The following ZNF620 variants were observed in gnomAD, a reference collection of about 807,000 sequenced individuals.
ZNF620 encodes zinc finger protein 620.
A neutral mutation model predicts 13.3 loss-of-function variants in ZNF620; 10 were observed. The ratio of observed to expected loss-of-function variants is 0.75; its 90% CI spans 0.46 to 1.28. The LOEUF is 1.28. ZNF620 is among the 50% of genes most tolerant of loss of function. The pLI, the probability that ZNF620 is intolerant of heterozygous loss-of-function variation, is 0.00. For missense variants in ZNF620, 461 were observed against 500.2 expected, an observed-to-expected ratio of 0.92 and a Z score of 0.75; for synonymous variants, 166 against 177.6, an observed-to-expected ratio of 0.93 and a Z score of 0.52.
At position 40,511,546 on chromosome 3, in the gene ZNF620, C is replaced by T. The variant is rs891240921; in HGVS notation, c.101C>T (p.Ala34Val). 1 of 1,613,600 alleles carries T rather than the reference C, an allele frequency of 6.2e-7. No individual in the cohort carries two copies. Among genetic ancestry groups the T allele is most frequent in the African/African-American group, 1.3e-5 (1 of 74,892 alleles). ...GCCAGCCTGGACTCTGTGCAGAGGG[C>T]CCTGTACAGGGAAGTGATGCTGGAG... ...EWASLDSVQR[A>V]LYREVMLENY... is the part of the protein sequence containing the mutation. The change falls in exon 3 of 5, where the codon GCC becomes GTC. Residue 34 changes from alanine (A) to valine (V), a missense_variant. Physicochemically the swap from Ala to Val is moderately conservative, Grantham distance 64 (BLOSUM62 0). Coordinates refer to ENST00000314529, the MANE Select transcript of ZNF620 (RefSeq NM_175888.4).
chr3:40,513,302 T>TAA (rs1212657603), intron 4 of ZNF620, among the ~76,000 whole-genome samples: 2,444 of 37,572 alleles, frequency 0.065, 388 homozygotes, highest in East Asian at 0.086. Flanking sequence ...CCGTCTCAAC[T>TAA]AAAAAAAAAA....
intron 2 of ZNF620, 136 bp downstream of exon 2, chr3:40,506,512 G>A: frequency 9.5e-7 from 1 of 1,054,138 alleles, no homozygotes; most frequent in African/African-American, 1.6e-5. Flanking sequence ...GGGATGGAGA[G>A]GTGAGAATGC....
intron 2 of ZNF620, among the ~76,000 whole-genome samples, chr3:40,509,918 A>C (rs1001851761): frequency 3.9e-5 from 6 of 151,936 alleles, no homozygotes; most frequent in African/African-American, 1.5e-4. Context: ...TTTTTGCATG[A>C]TATCTTGAAA....
At position 40,511,470 on chromosome 3, in the gene ZNF620, G is replaced by T; in HGVS notation, c.25G>T (p.Glu9Ter). The T allele has an allele frequency of 6.2e-7, 1 of 1,612,864 alleles. No homozygotes were observed. Among genetic ancestry groups the T allele is most frequent in the Non-Finnish European group, 8.5e-7 (1 of 1,179,240 alleles). The part of the protein sequence containing the change: MFQTAWRQ[E>*]PVTFEDVAVY... ...TTTGAGCAGGAACTTGTTGTTTTAG[G>T]AACCAGTGACCTTTGAGGATGTGGC... Residue 9 changes from glutamate (E) to a stop codon, truncating the protein, a stop_gained and splice_region_variant, in exon 3 of 5, where the codon GAA becomes TAA. Coordinates refer to ENST00000314529, the MANE Select transcript of ZNF620 (RefSeq NM_175888.4). LOFTEE classifies it high-confidence loss of function.
Position 40,516,354 on chromosome 3 carries a change from T to C in ZNF620, c.760T>C (p.Cys254Arg). The C allele has an allele frequency of 1.2e-6, 2 of 1,614,204 alleles. No homozygotes were observed. The highest frequency in any genetic ancestry group is 1.3e-5 in the African/African-American group (1 of 75,052). Residue 254 changes from cysteine to arginine, a missense_variant, in exon 5 of 5, where the codon TGT becomes CGT. Coordinates refer to ENST00000314529, the MANE Select transcript of ZNF620 (RefSeq NM_175888.4). The part of the protein sequence containing the change: ...IIHTGKKPFK[C>R]KECGKGLSSD... ...TCACACTGGAAAGAAACCATTTAAATGTAAAGAATGTGGAAAAGGTTTAAG... is the reference window on the plus strand; with the variant it reads ...TCACACTGGAAAGAAACCATTTAAACGTAAAGAATGTGGAAAAGGTTTAAG...
At position 40,516,610 on chromosome 3, in the gene ZNF620, A is replaced by C. The variant is rs776936015; in HGVS notation, c.1016A>C (p.Lys339Thr). Residue 339 changes from lysine (K) to threonine (T), a missense_variant, in exon 5 of 5, where the codon AAA becomes ACA. Lys to Thr is a moderately conservative substitution (Grantham distance 78). Coordinates refer to ENST00000314529, the MANE Select transcript of ZNF620 (RefSeq NM_175888.4). Reference sequence around the variant, plus strand: ...ACTGGGGAGAAACCTTATGAATGTAAAGAGTGTGGAAAACGATTAAGCTCC... The same window carrying C: ...ACTGGGGAGAAACCTTATGAATGTACAGAGTGTGGAAAACGATTAAGCTCC... ...MHTGEKPYEC[K>T]ECGKRLSSNT... 4.3e-6 allele frequency: 7 copies of C among 1,614,034 alleles called. No homozygotes were observed. The highest frequency in any genetic ancestry group is 5.9e-6 in the Non-Finnish European group (7 of 1,179,988).
At position 40,506,104 on chromosome 3, in the gene ZNF620, ATTCGCGGTCCGAGCTGAAGAGG is replaced by A; in HGVS notation, c.-72_-51del. ...TTTATCTGCGCCTGCGCCGCGCGGG[ATTCGCGGTCCGAGCTGAAGAGG>A]TTCGCGGTCCGGGTAACTGATTGGT... is the stretch of plus-strand genomic sequence containing the variant. On this transcript the variant is annotated 5_prime_UTR_variant, in exon 1 of 5. Transcript: ENST00000314529. The A allele has an allele frequency of 3.4e-6, 2 of 583,918 alleles. No homozygotes were observed. Among genetic ancestry groups the A allele is most frequent in the Non-Finnish European group, 6.1e-6 (2 of 326,036 alleles). 36.2% of individuals were successfully genotyped at this position (583,918 alleles called of 1,614,324 possible). A position where few individuals can be genotyped will look rare whatever the true frequency, so the allele number is the denominator to read the frequency against.
At chr3:40,512,202 C>T (rs953648388) in intron 3 of ZNF620, among the ~76,000 whole-genome samples, 200 bp from the exon 4 acceptor site, 1 of 152,146 alleles carries the variant, frequency 6.6e-6, no homozygotes, top group African/African-American at 2.4e-5. Flanking sequence ...CTTGAGATTC[C>T]CTTATGTGAG....
At position 40,511,470 on chromosome 3, in the gene ZNF620, G is replaced by C; in HGVS notation, c.25G>C (p.Glu9Gln). The change falls in exon 3 of 5, where the codon GAA (glutamate) becomes CAA (glutamine). Residue 9 changes from glutamate to glutamine, a missense_variant and splice_region_variant. By Grantham distance (29) the Glu-to-Gln change is conservative. Transcript: ENST00000314529. MFQTAWRQEPVTFEDVAVY... is the reference protein window; with the variant it reads MFQTAWRQQPVTFEDVAVY... ...TTTGAGCAGGAACTTGTTGTTTTAG[G>C]AACCAGTGACCTTTGAGGATGTGGC... 1.2e-6 allele frequency: 2 copies of C among 1,612,864 alleles called. No individual in the cohort carries two copies. Among genetic ancestry groups the C allele is most frequent in the Non-Finnish European group, 1.7e-6 (2 of 1,179,240 alleles).
intron 2 of ZNF620, among the ~76,000 whole-genome samples, chr3:40,508,947 G>C (rs999065327): frequency 8.6e-5 from 13 of 151,896 alleles, no homozygotes; most frequent in Non-Finnish European, 1.2e-4. Flanking sequence ...ATGTTGTCAT[G>C]GTATGTCTTT....
intron 2 of ZNF620, 115 bp downstream of exon 2, chr3:40,506,491 T>C: frequency 8.2e-7 from 1 of 1,223,608 alleles, no homozygotes; most frequent in South Asian, 1.3e-5. Context: ...TGTGCATCTG[T>C]CACTATGAGA....
chr3:40,516,784 G>A lies in ZNF620; in HGVS notation c.1190G>A (p.Cys397Tyr). 1 of 1,614,190 alleles carries A rather than the reference G, an allele frequency of 6.2e-7. No individual in the cohort carries two copies. Among genetic ancestry groups the A allele is most frequent in the Non-Finnish European group, 8.5e-7 (1 of 1,180,038 alleles). Residue 397 changes from cysteine (C) to tyrosine (Y), a missense_variant, in exon 5 of 5, where the codon TGT (cysteine) becomes TAT (tyrosine). By Grantham distance (194) the Cys-to-Tyr change is radical. Transcript: ENST00000314529. ...GAGAAACCTTATGAGTGTAAAGTGT[G>A]TGGTAAAACCTTCAGCTGGTGTGGA... is the stretch of plus-strand genomic sequence containing the variant. ...TGEKPYECKV[C>Y]GKTFSWCGRF...
chr3:40,513,438 A>G (rs1042967451), intron 4 of ZNF620, among the ~76,000 whole-genome samples: 10 of 149,568 alleles, frequency 6.7e-5, no homozygotes, highest in African/African-American at 2.5e-5. Flanking sequence ...GGAGTTCGAG[A>G]CCAGCCTGGC....
chr3:40,514,816 C>G (rs1291364537), intron 4 of ZNF620, among the ~76,000 whole-genome samples: 2 of 152,124 alleles, frequency 1.3e-5, no homozygotes, highest in Non-Finnish European at 2.9e-5. Context: ...TTTAATCTTT[C>G]TTATTCTGCT....
At chr3:40,512,286 C>A (rs1698224575) in intron 3 of ZNF620, 116 bp from the exon 4 acceptor site, 4 of 851,622 alleles carry the variant, frequency 4.7e-6, no homozygotes, top group Non-Finnish European at 7.8e-6. Context: ...TTAAGTTTCT[C>A]CCTGACTCAC....
chr3:40,516,697 A>G lies in ZNF620; in HGVS notation c.1103A>G (p.Glu368Gly). 1 of 1,614,234 alleles carries G rather than the reference A, an allele frequency of 6.2e-7. No homozygotes were observed. The highest frequency in any genetic ancestry group is 8.5e-7 in the Non-Finnish European group (1 of 1,180,046). ...HTGEKPFECK[E>G]CGKAFNQKIT... is the part of the protein sequence containing the mutation. ...GGGGAGAAGCCCTTTGAATGTAAGG[A>G]GTGTGGGAAGGCATTCAATCAGAAA... The change falls in exon 5 of 5, where the codon GAG (glutamate) becomes GGG (glycine). Residue 368 changes from glutamate (E) to glycine (G), a missense_variant. Coordinates refer to ENST00000314529, the MANE Select transcript of ZNF620 (RefSeq NM_175888.4).
chr3:40,513,317 A>C (rs1189209999), intron 4 of ZNF620, among the ~76,000 whole-genome samples: 1 of 90,378 alleles, frequency 1.1e-5, no homozygotes, highest in Non-Finnish European at 2.1e-5. Context: ...AAAAAAAAAA[A>C]TATATATATA....
At position 40,518,371 on chromosome 3, in the gene ZNF620, T is replaced by C. The variant is rs1270200786; in HGVS notation, c.*1508T>C. On this transcript the variant is annotated 3_prime_UTR_variant, in exon 5 of 5. Coordinates refer to ENST00000314529, the MANE Select transcript of ZNF620 (RefSeq NM_175888.4). ...TGACAGTTAATCTACCTCATAGGTT[T>C]GTGTTGGGGATTAAATGCATTATTT... 2.0e-5 allele frequency: 3 copies of C among 152,234 alleles called. No individual in the cohort carries two copies. The highest frequency in any genetic ancestry group is 4.8e-5 in the African/African-American group (2 of 41,460). 9.4% of individuals were successfully genotyped at this position (152,234 alleles called of 1,614,324 possible).
At chr3:40,509,551 A>G (rs1698134057) in intron 2 of ZNF620, among the ~76,000 whole-genome samples, 1 of 151,852 alleles carries the variant, frequency 6.6e-6, no homozygotes, top group Non-Finnish European at 1.5e-5. Flanking sequence ...CCTATTTTCC[A>G]TAGGATTAAT....
Sources: gnomAD v4.1 joint callset for allele counts (sites outside exome capture counted in the v4.1 genomes callset) on GRCh38, gnomAD v4.1.1 for gene constraint, MANE v1.5 for transcripts, NCBI Gene and HGNC (gene_info 2026-07-23, HGNC 2026-07-21) for gene names.